The following ELAVL2 variants were observed in gnomAD, a reference collection of about 807,000 sequenced individuals.
ELAVL2 encodes the protein ELAV like RNA binding protein 2.
Under a neutral mutation model 34.6 loss-of-function variants are expected in ELAVL2, and 4 were observed. The ratio of observed to expected loss-of-function variants is 0.12; its 90% CI spans 0.06 to 0.26. ELAVL2 has a LOEUF of 0.26. Ranked by LOEUF, ELAVL2 falls within the 10% of genes least tolerant of loss-of-function variation. ELAVL2 has a pLI of 1.00. For synonymous variants in ELAVL2, 193 were observed against 154.8 expected, an observed-to-expected ratio of 1.25 and a Z score of -1.83; for missense variants, 432 against 442.8, an observed-to-expected ratio of 0.98 and a Z score of 0.22.
chr9:23,731,624 A>C (rs2046571699), intron 2 of ELAVL2, among the ~76,000 whole-genome samples: 1 of 152,190 alleles, frequency 6.6e-6, no homozygotes, highest in Non-Finnish European at 1.5e-5. Context: ...AATGGTGAAG[A>C]ACCATGTGTG....
intron 5 of ELAVL2, among the ~76,000 whole-genome samples, chr9:23,699,482 A>AC (rs1421261835): frequency 6.6e-6 from 1 of 152,208 alleles, no homozygotes; most frequent in Non-Finnish European, 1.5e-5. Context: ...CAATGTTAAA[A>AC]ATCAACCAAT....
chr9:23,799,109 A>C (rs892805646), intron 1 of ELAVL2, among the ~76,000 whole-genome samples: 1 of 152,210 alleles, frequency 6.6e-6, no homozygotes, highest in Non-Finnish European at 1.5e-5. Flanking sequence ...GACAGACATA[A>C]TATGACTAGA....
chr9:23,755,644 A>T (rs1044257431), intron 2 of ELAVL2, among the ~76,000 whole-genome samples: 1 of 152,160 alleles, frequency 6.6e-6, no homozygotes, highest in Non-Finnish European at 1.5e-5. Context: ...CTAAAATCTA[A>T]AAATAGATTC....
At chr9:23,756,790 C>G (rs571785691) in intron 2 of ELAVL2, among the ~76,000 whole-genome samples, 2 of 152,236 alleles carry the variant, frequency 1.3e-5, no homozygotes, top group South Asian at 4.1e-4. Flanking sequence ...TCAGGTAAAC[C>G]TGGAAATCCC....
intron 1 of ELAVL2, among the ~76,000 whole-genome samples, chr9:23,785,666 G>A (rs1049877387): frequency 6.6e-6 from 1 of 152,140 alleles, no homozygotes; most frequent in Admixed American, 6.5e-5. Flanking sequence ...AATCAGTCAC[G>A]ACATAGAAAT....
intron 3 of ELAVL2, among the ~76,000 whole-genome samples, chr9:23,706,363 A>G (rs1438975273): frequency 6.6e-6 from 1 of 152,202 alleles, no homozygotes; most frequent in Non-Finnish European, 1.5e-5. Flanking sequence ...GATAGATGCT[A>G]ACACATTTGG....
At chr9:23,709,259 A>G (rs1326753642) in intron 3 of ELAVL2, among the ~76,000 whole-genome samples, 2 of 152,180 alleles carry the variant, frequency 1.3e-5, no homozygotes, top group Admixed American at 1.3e-4. Context: ...CCTTCCTGGA[A>G]AACATTTCTT....
chr9:23,709,596 T>C (rs559216186), intron 3 of ELAVL2, among the ~76,000 whole-genome samples: 2 of 152,200 alleles, frequency 1.3e-5, no homozygotes, highest in Non-Finnish European at 2.9e-5. Context: ...AGAGTTCGCT[T>C]TAAATGACAA....
intron 1 of ELAVL2, among the ~76,000 whole-genome samples, chr9:23,813,122 C>T (rs1205015787): frequency 6.6e-6 from 1 of 152,164 alleles, no homozygotes; most frequent in Non-Finnish European, 1.5e-5. Context: ...ACCAAAGTTG[C>T]TCTCTGCTAT....
At chr9:23,697,698 A>T (rs2035744690) in intron 5 of ELAVL2, among the ~76,000 whole-genome samples, 1 of 152,172 alleles carries the variant, frequency 6.6e-6, no homozygotes, top group African/African-American at 2.4e-5. Flanking sequence ...TCATAAGTAG[A>T]AAATAAAAAT....
At chr9:23,768,261 C>T (rs1335331179) in intron 1 of ELAVL2, among the ~76,000 whole-genome samples, 1 of 152,134 alleles carries the variant, frequency 6.6e-6, no homozygotes, top group African/African-American at 2.4e-5. Flanking sequence ...AGTACCTTCA[C>T]TCTTCTAGCT....
At chr9:23,729,288 C>A (rs2045977052) in intron 3 of ELAVL2, among the ~76,000 whole-genome samples, 1 of 152,124 alleles carries the variant, frequency 6.6e-6, no homozygotes, top group Non-Finnish European at 1.5e-5. Context: ...TTCTTCCCAA[C>A]TACAACTCAG....
chr9:23,693,388 A>G, intron 6 of ELAVL2, 60 bp downstream of exon 6: 1 of 1,607,238 alleles, frequency 6.2e-7, no homozygotes, highest in Admixed American at 1.7e-5. Flanking sequence ...CACTCCCAAA[A>G]TCAAAGAAAC....
At position 23,692,602 on chromosome 9, in the gene ELAVL2, T is replaced by C. The variant is rs766186271; in HGVS notation, c.1035A>G (p.Arg345=). 2.5e-6 allele frequency: 4 copies of C among 1,614,160 alleles called. No individual in the cohort carries two copies. In the South Asian group the frequency reaches 4.4e-5, roughly 18 times the overall value. The change falls in exon 7 of 7, where the codon AGA becomes AGG. Residue 345 remains arginine, a synonymous_variant. Transcript: ENST00000397312. ...ASLNGYRLGD[R]VLQVSFKTNK... is the part of the protein sequence containing the mutation. ...TTGTCTTAAAGGAGACCTGCAGTAC[T>C]CTGTCTCCCAGACGGTATCCATTGA...
At chr9:23,850,235 AC>A in the ELAVL2 span, among the ~76,000 whole-genome samples, 32 of 124,850 alleles carry the variant, frequency 2.6e-4, no homozygotes, top group East Asian at 8.6e-4. Context: ...CACCACCACC[AC>A]CCCCCCCGCC....
In ELAVL2 at chr9:23,718,184, C is replaced by T. The variant is rs2042786903; in HGVS notation, c.333+12838G>A. ...AACGTATTTTAAAAATAGGATTCCT[C>T]AAACACCCAGAGAAAAATTCCTAAC... On this transcript the variant is annotated intron_variant, in intron 3 of 6. Coordinates refer to ENST00000397312, the MANE Select transcript of ELAVL2 (RefSeq NM_004432.5). 3.3e-5 allele frequency among the ~76,000 whole-genome samples: 5 copies of T among 152,114 alleles called. No homozygotes were observed. In the South Asian group the frequency reaches 1.0e-3, roughly 31 times the overall value.
At chr9:23,703,234 A>T (rs757285704) in intron 4 of ELAVL2, among the ~76,000 whole-genome samples, 30 of 152,364 alleles carry the variant, frequency 2.0e-4, no homozygotes, top group Middle Eastern at 3.4e-3. Context: ...ACTTTGTGTC[A>T]TAGGTGAAAC....
intron 2 of ELAVL2, among the ~76,000 whole-genome samples, chr9:23,734,423 C>A (rs2047330533): frequency 6.6e-6 from 1 of 152,138 alleles, no homozygotes; most frequent in Non-Finnish European, 1.5e-5. Flanking sequence ...CAATCAGCTT[C>A]TACAAATCAA....
At chr9:23,830,626 CTTT>C (rs1166898887), upstream of ELAVL2, among the ~76,000 whole-genome samples, 1 of 72,546 alleles carries the variant, frequency 1.4e-5, no homozygotes, top group Non-Finnish European at 3.3e-5. Context: ...ACACACACAC[CTTT>C]TTTTTTTTTT....
Sources: allele counts gnomAD v4.1 joint callset (sites outside exome capture counted in the v4.1 genomes callset), GRCh38; gene constraint gnomAD v4.1.1; transcripts MANE v1.5; gene names NCBI Gene and HGNC (gene_info 2026-07-23, HGNC 2026-07-21).